Variants in PCDHGB4 observed in about 807,000 individuals in gnomAD.
PCDHGB4 encodes protocadherin gamma-B4.
A neutral mutation model predicts 60.5 loss-of-function variants in PCDHGB4; 38 were observed. That is an observed-to-expected ratio of 0.63 (90% CI 0.48 to 0.82). The LOEUF (loss-of-function observed/expected upper bound fraction) is 0.82, where lower values mean the gene tolerates loss of function less well. Ranked by LOEUF, PCDHGB4 falls within the 40% of genes least tolerant of loss-of-function variation. The pLI, the probability that PCDHGB4 is intolerant of heterozygous loss-of-function variation, is 0.00. For missense variants in PCDHGB4, 1,109 were observed against 1,209.6 expected (o/e 0.92, Z 1.23); for synonymous variants, 456 against 509.7 (o/e 0.89, Z 1.42).
chr5:141,414,180 A>G, intron 1 of PCDHGB4: 2 of 1,608,986 alleles, frequency 1.2e-6, no homozygotes, highest in Middle Eastern at 1.7e-4. Context: ...TTGCAACTGC[A>G]AAAGTGTTGA....
rs371690754 is a variant in PCDHGB4 at position 141,388,891 on chromosome 5, T to C, written c.1007T>C (p.Ile336Thr). 1.9e-5 allele frequency: 31 copies of C among 1,613,872 alleles called. No individual in the cohort carries two copies. Among genetic ancestry groups the C allele is most frequent in the Middle Eastern group, 1.6e-4 (1 of 6,062 alleles). The change falls in exon 1 of 4, where the codon ATA (isoleucine) becomes ACA (threonine). Residue 336 changes from isoleucine (I) to threonine (T), a missense_variant. Ile to Thr is a moderately conservative substitution (Grantham distance 89). This residue lies in a region of PCDHGB4 where 1,068 missense variants were observed against 1,089.9 expected (regional missense o/e 0.98). Coordinates refer to ENST00000519479, the MANE Select transcript of PCDHGB4 (RefSeq NM_003736.4). ...CAATGCACAGTGGAGGTAGAAGTCA[T>C]AGATGAAAATGACAACGCCCCAGAA... is the stretch of plus-strand genomic sequence containing the variant. Reference protein sequence around the residue: ...IAQCTVEVEVIDENDNAPEVI... With the variant: ...IAQCTVEVEVTDENDNAPEVI...
At chr5:141,474,658 A>G (rs950490550) in intron 1 of PCDHGB4, among the ~76,000 whole-genome samples, 13 of 152,176 alleles carry the variant, frequency 8.5e-5, no homozygotes, top group African/African-American at 3.1e-4. Flanking sequence ...CTTCTTTTCT[A>G]CCTACCTAAC....
At chr5:141,391,759 T>C (rs901291558) in intron 1 of PCDHGB4, 1 of 152,196 alleles carries the variant, frequency 6.6e-6, no homozygotes, top group Non-Finnish European at 1.5e-5. Context: ...GGCTTCTTAG[T>C]AAGTATTATA....
chr5:141,439,455 C>T (rs62379163), intron 1 of PCDHGB4, among the ~76,000 whole-genome samples: 5,115 of 152,308 alleles, frequency 0.034, 100 homozygotes, highest in Middle Eastern at 0.088. Context: ...GGGAGCAAGA[C>T]TGCACTGCTG....
At chr5:141,492,312 C>G (rs1470136040) in intron 1 of PCDHGB4, among the ~76,000 whole-genome samples, 3 of 152,230 alleles carry the variant, frequency 2.0e-5, no homozygotes, top group Non-Finnish European at 4.4e-5. Context: ...CGCACGCACT[C>G]CTCGCACGTG....
chr5:141,403,030 C>T, intron 1 of PCDHGB4: 1 of 1,614,056 alleles, frequency 6.2e-7, no homozygotes, highest in Non-Finnish European at 8.5e-7. Flanking sequence ...TATGGGAGGC[C>T]AGGGCCAGTC....
intron 1 of PCDHGB4, chr5:141,411,189 T>G (rs1222862554): frequency 6.6e-6 from 1 of 152,208 alleles, no homozygotes; most frequent in Non-Finnish European, 1.5e-5. Context: ...TCTTGGCATC[T>G]AAGAAAACAA....
rs377138746 is a variant in PCDHGB4 at position 141,432,481 on chromosome 5, C to T, written c.2397+42200C>T. ...CCCTCCCCACGGACGGTTCCACTGG[C>T]GTGGAGCTGGCTCCCCGCTCCGCAG... On this transcript the variant is annotated intron_variant, in intron 1 of 3. Transcript: ENST00000519479. This position sits in a 1 kb window ranked among gnomAD's most constrained non-coding sequence, Gnocchi z 6.0. The T allele has an allele frequency of 1.1e-5, 17 of 1,614,198 alleles. No individual in the cohort carries two copies. The African/African-American group carries it at 1.7e-4, about 16-fold the overall frequency.
intron 2 of PCDHGB4, among the ~76,000 whole-genome samples, chr5:141,498,404 C>T (rs1283586713): frequency 6.6e-6 from 1 of 152,104 alleles, no homozygotes; most frequent in African/African-American, 2.4e-5. Context: ...AGGGAGTTTT[C>T]TCTTTGCTGG....
intron 1 of PCDHGB4, chr5:141,422,545 T>C: frequency 6.2e-7 from 1 of 1,614,000 alleles, no homozygotes; most frequent in Non-Finnish European, 8.5e-7. Context: ...AACTCATGTC[T>C]GGCTGAATGT....
intron 1 of PCDHGB4, chr5:141,423,607 A>T (rs777606404): frequency 6.2e-7 from 1 of 1,612,176 alleles, no homozygotes; most frequent in Admixed American, 1.7e-5. Flanking sequence ...GCCACTCTTG[A>T]TAGCTGAAGA....
chr5:141,494,818 C>T lies in PCDHGB4; in HGVS notation c.2409C>T (p.Pro803=). The part of the protein sequence containing the change: ...SELTSHQQAP[P]NTDWRFSQAQ... ...TGTTTTCTCCACAGCAAGCCCCGCCCAACACGGACTGGCGTTTCTCTCAGG... is the reference window on the plus strand; with the variant it reads ...TGTTTTCTCCACAGCAAGCCCCGCCTAACACGGACTGGCGTTTCTCTCAGG... Residue 803 remains proline (P), a synonymous_variant, in exon 2 of 4, where the codon CCC becomes CCT. Transcript: ENST00000519479. 1.9e-6 allele frequency: 3 copies of T among 1,614,152 alleles called. No homozygotes were observed. The highest frequency in any genetic ancestry group is 2.2e-5 in the South Asian group (2 of 91,074).
Position 141,510,999 on chromosome 5 carries a change from G to C in PCDHGB4, c.2598G>C (p.Leu866Phe). Residue 866 changes from leucine (L) to phenylalanine (F), a missense_variant, in exon 4 of 4, where the codon TTG (leucine) becomes TTC (phenylalanine). Around this residue, in one of 2 missense-constraint regions of PCDHGB4, gnomAD observed 1,068 missense variants for 1,089.9 expected, o/e 0.98. Coordinates refer to ENST00000519479, the MANE Select transcript of PCDHGB4 (RefSeq NM_003736.4). ...GAGGGGGTGCCGGCACCATGGGATT[G>C]AGCGCCCGCTACGGACCCCAGTTCA... ...TLGGGAGTMG[L>F]SARYGPQFTL... 6.2e-7 allele frequency: 1 copy of C among 1,614,144 alleles called. No homozygotes were observed. Among genetic ancestry groups the C allele is most frequent in the Non-Finnish European group, 8.5e-7 (1 of 1,180,008 alleles).
intron 1 of PCDHGB4, chr5:141,393,734 A>G (rs1453820640): frequency 1.9e-6 from 3 of 1,613,888 alleles, no homozygotes; most frequent in East Asian, 2.2e-5. Context: ...CAAAAAGTCT[A>G]GATTATGAAG....
chr5:141,403,809 A>C (rs1242181843), intron 1 of PCDHGB4: 1 of 1,613,904 alleles, frequency 6.2e-7, no homozygotes, highest in South Asian at 1.1e-5. Flanking sequence ...AAAATTAATG[A>C]AAAACAATCT....
chr5:141,489,225 A>G lies in PCDHGB4; in HGVS notation c.2398-5582A>G. 3 of 1,518,230 alleles carry G rather than the reference A, an allele frequency of 2.0e-6. No individual in the cohort carries two copies. Among genetic ancestry groups the G allele is most frequent in the East Asian group, 2.3e-5 (1 of 44,234 alleles). 94.0% of individuals were successfully genotyped at this position (1,518,230 alleles called of 1,614,324 possible). On this transcript the variant is annotated intron_variant, in intron 1 of 3. Coordinates refer to ENST00000519479, the MANE Select transcript of PCDHGB4 (RefSeq NM_003736.4). The surrounding 1 kb of genome is among the most constrained non-coding windows in gnomAD (Gnocchi z 4.5). ...GGACAGCACAGACTTACTCTCCACA[A>G]AGGGACTTCTGGGTCATGGGGCCCA...
At chr5:141,398,199 G>A in intron 1 of PCDHGB4, 1 of 1,491,242 alleles carries the variant, frequency 6.7e-7, no homozygotes, top group South Asian at 1.3e-5. Flanking sequence ...TGCTGTCTTT[G>A]TTCTGCCCGG....
At chr5:141,510,062 G>GA (rs1448334820) in intron 3 of PCDHGB4, among the ~76,000 whole-genome samples, 1 of 152,150 alleles carries the variant, frequency 6.6e-6, no homozygotes. Flanking sequence ...TTGTGCATGT[G>GA]AAGCATCCAG....
chr5:141,477,482 C>T lies in PCDHGB4; in HGVS notation c.2398-17325C>T, dbSNP rs1168724444. The T allele has an allele frequency of 6.2e-7, 1 of 1,614,118 alleles. No individual in the cohort carries two copies. Among genetic ancestry groups the T allele is most frequent in the Non-Finnish European group, 8.5e-7 (1 of 1,180,016 alleles). ...GTCCGACATCAATGACAACCCTCCA[C>T]AATCTTCTCAATCTTCCTACGACGT... is the stretch of plus-strand genomic sequence containing the variant. On this transcript the variant is annotated intron_variant, in intron 1 of 3. Coordinates refer to ENST00000519479, the MANE Select transcript of PCDHGB4 (RefSeq NM_003736.4). This position sits in a 1 kb window ranked among gnomAD's most constrained non-coding sequence, Gnocchi z 4.9.
Sources: allele counts gnomAD v4.1 joint callset (sites outside exome capture counted in the v4.1 genomes callset), GRCh38; gene constraint gnomAD v4.1.1; regional missense constraint gnomAD v4.1.1; non-coding constraint Gnocchi (gnomAD v3.1); transcripts MANE v1.5; gene names NCBI Gene and HGNC (gene_info 2026-07-23, HGNC 2026-07-21).